The following ATRN variants were observed in gnomAD, a reference collection of about 807,000 sequenced individuals.
ATRN encodes attractin.
ATRN carries 54 observed loss-of-function variants against 178.7 expected under a neutral mutation model. That is an observed-to-expected ratio of 0.30 (90% CI 0.24 to 0.38). ATRN has a LOEUF of 0.38. Ranked by LOEUF, ATRN falls within the 10% of genes least tolerant of loss-of-function variation. ATRN has a pLI of 1.00. For synonymous variants in ATRN, 636 were observed against 663.0 expected (o/e 0.96, Z 0.63); for missense variants, 1,443 against 1,815.1 (o/e 0.79, Z 3.73).
intron 1 of ATRN, among the ~76,000 whole-genome samples, chr20:3,529,254 C>G (rs1350118998): frequency 1.3e-5 from 2 of 152,184 alleles, no homozygotes; most frequent in Non-Finnish European, 2.9e-5. Context: ...ACTCTCATAT[C>G]TTGAAAATGT....
At chr20:3,510,734 T>C (rs948392921) in intron 1 of ATRN, among the ~76,000 whole-genome samples, 2 of 152,182 alleles carry the variant, frequency 1.3e-5, no homozygotes, top group Admixed American at 6.5e-5. Flanking sequence ...GATTTTATTC[T>C]CCTGTTTGAG....
intron 14 of ATRN, among the ~76,000 whole-genome samples, chr20:3,577,964 G>A (rs1477973373): frequency 6.6e-6 from 1 of 152,130 alleles, no homozygotes; most frequent in East Asian, 1.9e-4. Flanking sequence ...TGTCTTCCAG[G>A]AAGCATTCAT....
At chr20:3,624,413 T>C in intron 24 of ATRN, 98 bp from the exon 25 acceptor site, 2 of 1,108,446 alleles carry the variant, frequency 1.8e-6, no homozygotes, top group Non-Finnish European at 2.7e-6. Context: ...TTCTTTAAAA[T>C]GTAAGCTCTG....
At chr20:3,584,952 C>A in intron 18 of ATRN, 72 bp downstream of exon 18, 2 of 1,423,820 alleles carry the variant, frequency 1.4e-6, no homozygotes, top group Non-Finnish European at 2.0e-6. Context: ...TTGAAAGCTA[C>A]GTTGTGTATA....
intron 1 of ATRN, among the ~76,000 whole-genome samples, chr20:3,517,127 A>G (rs1323511915): frequency 6.6e-6 from 1 of 152,150 alleles, no homozygotes; most frequent in African/African-American, 2.4e-5. Flanking sequence ...CTATTTCTCC[A>G]TGTCCTCCCC....
intron 1 of ATRN, among the ~76,000 whole-genome samples, chr20:3,501,437 A>G (rs1364406226): frequency 6.6e-6 from 1 of 152,206 alleles, no homozygotes; most frequent in Non-Finnish European, 1.5e-5. Context: ...TACCTTAGAA[A>G]AATGGCTTAT....
intron 22 of ATRN, 75 bp from the exon 23 acceptor site, chr20:3,600,871 G>A: frequency 5.1e-6 from 7 of 1,368,446 alleles, no homozygotes; most frequent in Non-Finnish European, 6.1e-6. Flanking sequence ...ATTTAGAGGA[G>A]TAAACTTTAT....
At chr20:3,588,745 G>A (rs1006873115) in intron 18 of ATRN, among the ~76,000 whole-genome samples, 1 of 152,098 alleles carries the variant, frequency 6.6e-6, no homozygotes, top group Non-Finnish European at 1.5e-5. Context: ...GGAAGAGTTC[G>A]TCAAGGATTA....
At chr20:3,644,966 T>C (rs1240600992) in intron 28 of ATRN, among the ~76,000 whole-genome samples, 1 of 152,248 alleles carries the variant, frequency 6.6e-6, no homozygotes, top group African/African-American at 2.4e-5. Context: ...TTTTATAGCC[T>C]ACTACATAAT....
At chr20:3,498,395 A>G (rs913521166) in intron 1 of ATRN, among the ~76,000 whole-genome samples, 3 of 152,174 alleles carry the variant, frequency 2.0e-5, no homozygotes, top group Admixed American at 6.6e-5. Flanking sequence ...AGAATTTTAG[A>G]CCAATATCCT....
chr20:3,520,598 G>T (rs1441002667), intron 1 of ATRN, among the ~76,000 whole-genome samples: 1 of 152,144 alleles, frequency 6.6e-6, no homozygotes, highest in Non-Finnish European at 1.5e-5. Flanking sequence ...GGGTTCAAAT[G>T]ATTCTTGTGC....
At chr20:3,571,344 T>A (rs1363033988) in intron 11 of ATRN, among the ~76,000 whole-genome samples, 1 of 152,252 alleles carries the variant, frequency 6.6e-6, no homozygotes, top group Non-Finnish European at 1.5e-5. Context: ...AATGCTGTAG[T>A]GAATAGCCTC....
At chr20:3,594,901 C>G (rs1290611330) in intron 20 of ATRN, among the ~76,000 whole-genome samples, 1 of 152,218 alleles carries the variant, frequency 6.6e-6, no homozygotes, top group Non-Finnish European at 1.5e-5. Context: ...AGATTATACT[C>G]TTTCCCAAAG....
intron 1 of ATRN, among the ~76,000 whole-genome samples, chr20:3,528,366 C>CA (rs35386929): frequency 0.083 from 11,741 of 141,274 alleles, 1,324 homozygotes; most frequent in African/African-American, 0.26. Flanking sequence ...AACTCCGTCT[C>CA]AAAAAAAAAA....
chr20:3,508,161 T>C (rs1199316800), intron 1 of ATRN, among the ~76,000 whole-genome samples: 2 of 151,568 alleles, frequency 1.3e-5, no homozygotes, highest in Non-Finnish European at 2.9e-5. Flanking sequence ...ACCAGCCTGG[T>C]AACATAGTGA....
At chr20:3,614,141 G>A (rs767493159) in intron 24 of ATRN, among the ~76,000 whole-genome samples, 1 of 152,208 alleles carries the variant, frequency 6.6e-6, no homozygotes, top group Non-Finnish European at 1.5e-5. Context: ...CTGGGAGGGT[G>A]GCGGGTGTGT....
intron 6 of ATRN, among the ~76,000 whole-genome samples, chr20:3,553,613 C>A (rs1442204585): frequency 2.0e-5 from 3 of 152,206 alleles, no homozygotes; most frequent in Admixed American, 2.0e-4. Flanking sequence ...TGTTTACCTT[C>A]CCAGACTCAG....
intron 1 of ATRN, among the ~76,000 whole-genome samples, chr20:3,507,154 C>G (rs898569090): frequency 6.6e-6 from 1 of 151,382 alleles, no homozygotes; most frequent in Non-Finnish European, 1.5e-5. Context: ...TGCCTGTAAT[C>G]CCAGCATTTT....
At chr20:3,569,152 A>AT (rs1411907119) in intron 11 of ATRN, among the ~76,000 whole-genome samples, 5 of 152,362 alleles carry the variant, frequency 3.3e-5, no homozygotes, top group African/African-American at 1.2e-4. Flanking sequence ...GAATTTGCAA[A>AT]TATGGAATCT....
Sources: allele counts gnomAD v4.1 joint callset (sites outside exome capture counted in the v4.1 genomes callset), GRCh38; gene constraint gnomAD v4.1.1; transcripts MANE v1.5; gene names NCBI Gene and HGNC (gene_info 2026-07-23, HGNC 2026-07-21).